The following SAMD5 variants were observed in gnomAD, a reference collection of about 807,000 sequenced individuals.
SAMD5 encodes the protein sterile alpha motif domain-containing protein 5.
A neutral mutation model predicts 11.3 loss-of-function variants in SAMD5; 13 were observed. The ratio of observed to expected loss-of-function variants is 1.15; its 90% CI spans 0.75 to 1.83. The LOEUF (loss-of-function observed/expected upper bound fraction) is 1.83. Among genes scored for constraint, SAMD5 ranks in the 40% most tolerant of loss-of-function variants. SAMD5 has a pLI of 0.00. For synonymous variants in SAMD5, 129 were observed against 111.3 expected (o/e 1.16, Z -1.00); for missense variants, 255 against 239.1 (o/e 1.07, Z -0.44).
intron 1 of SAMD5, among the ~76,000 whole-genome samples, chr6:147,723,273 C>T (rs913495030): frequency 2.6e-5 from 4 of 152,104 alleles, no homozygotes; most frequent in African/African-American, 9.7e-5. Context: ...GTTTTGTGGT[C>T]TTGGAGTAGC....
chr6:147,617,484 C>A (rs1463952669), intron 1 of SAMD5, among the ~76,000 whole-genome samples: 15 of 152,208 alleles, frequency 9.9e-5, no homozygotes, highest in Non-Finnish European at 1.8e-4. Context: ...ACAAATGTGG[C>A]ATACTCTTGA....
intron 1 of SAMD5, among the ~76,000 whole-genome samples, chr6:147,723,750 T>C (rs996188783): frequency 6.6e-6 from 1 of 152,226 alleles, no homozygotes; most frequent in African/African-American, 2.4e-5. Context: ...GAACAGTTTA[T>C]GTAGCCCATC....
chr6:147,743,612 T>C, the SAMD5 span, among the ~76,000 whole-genome samples: 1 of 152,244 alleles, frequency 6.6e-6, no homozygotes, highest in Non-Finnish European at 1.5e-5. Flanking sequence ...CTCATTTTAT[T>C]TGAAGCAAAT....
At chr6:147,933,822 A>G in the SAMD5 span, among the ~76,000 whole-genome samples, 6 of 152,300 alleles carry the variant, frequency 3.9e-5, no homozygotes, top group East Asian at 1.2e-3. Context: ...TTTCACAAAA[A>G]TCATATCCTG....
chr6:147,616,710 C>T (rs9373529), intron 1 of SAMD5, among the ~76,000 whole-genome samples: 27,313 of 152,100 alleles, frequency 0.18, 5,030 homozygotes, highest in African/African-American at 0.47. Flanking sequence ...GACTCAGTTA[C>T]GCATGGCTGT....
chr6:147,585,019 C>A (rs1323121935), intron 1 of SAMD5, among the ~76,000 whole-genome samples: 1 of 152,124 alleles, frequency 6.6e-6, no homozygotes, highest in East Asian at 1.9e-4. Context: ...TGGGAGAGAG[C>A]TCTTCTATAA....
At position 147,565,044 on chromosome 6, in the gene SAMD5, A is replaced by T; in HGVS notation, c.*588A>T. Reference sequence around the variant, plus strand: ...TATAGTTATTTTGTATATTGGTACAATGTTAAAGGTGATGAATTAAGGAAC... The same window carrying T: ...TATAGTTATTTTGTATATTGGTACATTGTTAAAGGTGATGAATTAAGGAAC... On this transcript the variant is annotated 3_prime_UTR_variant, in exon 2 of 2. Coordinates refer to ENST00000367474, the MANE Select transcript of SAMD5 (RefSeq NM_001030060.3). The T allele has an allele frequency of 3.1e-6, 3 of 970,910 alleles. No individual in the cohort carries two copies. The highest frequency in any genetic ancestry group is 3.7e-6 in the Non-Finnish European group (3 of 816,792). 60.1% of individuals were successfully genotyped at this position (970,910 alleles called of 1,614,324 possible). A position where few individuals can be genotyped will look rare whatever the true frequency, so the allele number is the denominator to read the frequency against.
At chr6:147,630,449 T>A (rs757320932) in intron 1 of SAMD5, among the ~76,000 whole-genome samples, 1 of 152,058 alleles carries the variant, frequency 6.6e-6, no homozygotes, top group Non-Finnish European at 1.5e-5. Flanking sequence ...ACAAAATAAG[T>A]GAAAATGGCC....
chr6:147,647,737 C>T (rs1473220042), intron 1 of SAMD5, among the ~76,000 whole-genome samples: 4 of 152,164 alleles, frequency 2.6e-5, no homozygotes, highest in Non-Finnish European at 5.9e-5. Flanking sequence ...AGATGTCACT[C>T]TGAACAGATA....
chr6:147,755,019 G>A, the SAMD5 span, among the ~76,000 whole-genome samples: 6 of 151,914 alleles, frequency 3.9e-5, no homozygotes, highest in African/African-American at 9.7e-5. Flanking sequence ...TATTCTTTTC[G>A]CTTAGGATAA....
intron 1 of SAMD5, among the ~76,000 whole-genome samples, chr6:147,714,631 T>G (rs537054329): frequency 6.6e-6 from 1 of 152,366 alleles, no homozygotes; most frequent in South Asian, 2.1e-4. Flanking sequence ...GTTTTGGTTT[T>G]GTCTATGTGT....
rs60331313 is a variant in SAMD5, at chr6:147,715,641, T to G, written c.163-21676T>G. On this transcript the variant is annotated intron_variant, in intron 1 of 1. Coordinates refer to the SAMD5 transcript ENST00000566741. ...ACTTGTGTTACAGCTCTTTTAGCCC[T>G]GCCATTTGGCAGGTCCCAAGTTCTC... 6.9e-3 allele frequency among the ~76,000 whole-genome samples: 1,048 copies of G among 152,304 alleles called. 7 individuals carry two copies. Among genetic ancestry groups the G allele is most frequent in the African/African-American group, 0.024 (1,007 of 41,566 alleles).
chr6:147,947,394 T>G, the SAMD5 span: 1 of 152,210 alleles, frequency 6.6e-6, no homozygotes, highest in African/African-American at 2.4e-5. Flanking sequence ...ATACAGGAGC[T>G]AGGATAATCT....
At chr6:147,735,657 T>A (rs1351700064) in intron 1 of SAMD5, among the ~76,000 whole-genome samples, 2 of 91,700 alleles carry the variant, frequency 2.2e-5, no homozygotes, top group African/African-American at 2.2e-4. Flanking sequence ...ATTTTACTAT[T>A]TTTTTTTTTT....
the SAMD5 span, among the ~76,000 whole-genome samples, chr6:147,753,109 C>T: frequency 2.6e-5 from 4 of 152,164 alleles, no homozygotes; most frequent in Non-Finnish European, 5.9e-5. Flanking sequence ...ACAGTCAATG[C>T]ATTTGCTTAA....
intron 1 of SAMD5, among the ~76,000 whole-genome samples, chr6:147,543,894 T>C (rs1788644709): frequency 6.6e-6 from 1 of 152,144 alleles, no homozygotes; most frequent in South Asian, 2.1e-4. Context: ...AGCAGACGTG[T>C]AGCGTGGGAA....
At chr6:147,788,106 G>A in the SAMD5 span, among the ~76,000 whole-genome samples, 29 of 152,122 alleles carry the variant, frequency 1.9e-4, no homozygotes, top group Non-Finnish European at 3.5e-4. Flanking sequence ...TGCATGGGTG[G>A]GTTTATTGGA....
In SAMD5 at chr6:147,567,731, A is replaced by C. The variant is rs1263496373; in HGVS notation, c.*3275A>C. ...AAAGCTGACTAGAAAACTCAGACATAAATTGACATTTCCTTATCATTGCCT... is the reference window on the plus strand; with the variant it reads ...AAAGCTGACTAGAAAACTCAGACATCAATTGACATTTCCTTATCATTGCCT... On this transcript the variant is annotated 3_prime_UTR_variant, in exon 2 of 2. Transcript: ENST00000367474. 7.1e-6 allele frequency: 7 copies of C among 985,348 alleles called. No individual in the cohort carries two copies. The highest frequency in any genetic ancestry group is 8.4e-6 in the Non-Finnish European group (7 of 829,872). The allele number at this position is 985,348 out of a possible 1,614,324, so 61.0% of individuals were successfully genotyped here.
chr6:147,589,117 G>A (rs987047659), intron 1 of SAMD5, among the ~76,000 whole-genome samples: 14 of 151,824 alleles, frequency 9.2e-5, no homozygotes, highest in African/African-American at 2.9e-4. Context: ...ACCATACCCA[G>A]CCAATTTTTA....
Sources: gnomAD v4.1 joint callset for allele counts (sites outside exome capture counted in the v4.1 genomes callset) on GRCh38, gnomAD v4.1.1 for gene constraint, MANE v1.5 for transcripts, NCBI Gene and HGNC (gene_info 2026-07-23, HGNC 2026-07-21) for gene names.